Variants in DPP10 observed in about 807,000 individuals in gnomAD.
DPP10 encodes the protein dipeptidyl peptidase like 10.
In DPP10, 33 loss-of-function variants were observed where a neutral mutation model predicts 120.9. That is an observed-to-expected ratio of 0.27 (90% CI 0.21 to 0.37). The LOEUF is 0.37. DPP10 is among the 10% of genes least tolerant of loss of function. The pLI is 1.00. For missense variants in DPP10, 816 were observed against 942.8 expected (o/e 0.87, Z 1.76); for synonymous variants, 337 against 326.1 (o/e 1.03, Z -0.36).
At chr2:114,945,122 G>A (rs1697248755) in intron 1 of DPP10, among the ~76,000 whole-genome samples, 1 of 152,116 alleles carries the variant, frequency 6.6e-6, no homozygotes, top group Non-Finnish European at 1.5e-5. Context: ...CACGTAAAAT[G>A]CAAAACCAAA....
chr2:114,510,388 G>T (rs1356332067), intron 1 of DPP10, among the ~76,000 whole-genome samples: 1 of 152,184 alleles, frequency 6.6e-6, no homozygotes, highest in African/African-American at 2.4e-5. Flanking sequence ...GGTGGATCAC[G>T]AGGTAAGGAG....
At chr2:114,503,579 G>A (rs1054101300) in intron 1 of DPP10, among the ~76,000 whole-genome samples, 5 of 152,116 alleles carry the variant, frequency 3.3e-5, no homozygotes, top group South Asian at 2.1e-4. Context: ...GAGAAAAGAG[G>A]TTATCCTGAA....
Position 115,194,344 on chromosome 2 carries a change from C to A in DPP10, c.61-114895C>A, listed in dbSNP as rs567957340. Among the ~76,000 whole-genome samples, 9 of 152,246 alleles carry A rather than the reference C, an allele frequency of 5.9e-5. No individual in the cohort carries two copies. The East Asian group carries it at 1.8e-3, about 30-fold the overall frequency. On this transcript the variant is annotated intron_variant, in intron 1 of 25. Transcript: ENST00000410059. Reference sequence around the variant, plus strand: ...GGTTCAAGCAATTCTCCTGCCTCAGCCTCCTGAGTAGCTGGGATAACAGGC... The same window carrying A: ...GGTTCAAGCAATTCTCCTGCCTCAGACTCCTGAGTAGCTGGGATAACAGGC...
At chr2:114,535,860 C>A (rs1464191643) in intron 1 of DPP10, among the ~76,000 whole-genome samples, 1 of 152,216 alleles carries the variant, frequency 6.6e-6, no homozygotes, top group Admixed American at 6.5e-5. Flanking sequence ...TTTTCAACCT[C>A]ATTTTTCACC....
chr2:115,301,541 A>T (rs1321910599), intron 1 of DPP10, among the ~76,000 whole-genome samples: 1 of 150,038 alleles, frequency 6.7e-6, no homozygotes, highest in Non-Finnish European at 1.5e-5. Flanking sequence ...ATGCCGTGAA[A>T]TGTCCTACCT....
At chr2:114,634,731 G>T (rs1166838150) in intron 1 of DPP10, among the ~76,000 whole-genome samples, 3 of 151,904 alleles carry the variant, frequency 2.0e-5, no homozygotes, top group Non-Finnish European at 4.4e-5. Flanking sequence ...GTTGTAGATT[G>T]TCAGGCACAT....
chr2:114,998,153 G>C (rs1285635087), intron 1 of DPP10, among the ~76,000 whole-genome samples: 3 of 151,968 alleles, frequency 2.0e-5, no homozygotes, highest in Admixed American at 2.0e-4. Context: ...ATGTGACATG[G>C]TATTTTCAGC....
intron 1 of DPP10, among the ~76,000 whole-genome samples, chr2:114,481,780 A>G (rs1005357746): frequency 5.3e-5 from 8 of 152,006 alleles, no homozygotes; most frequent in African/African-American, 1.2e-4. Flanking sequence ...AGGAGGTCCA[A>G]TTGATTCTCA....
rs79467330 is a variant in DPP10 at position 115,746,532 on chromosome 2, G to A, written c.950+349G>A. On this transcript the variant is annotated intron_variant, in intron 10 of 25. Transcript: ENST00000410059. Reference sequence around the variant, plus strand: ...TTTTTTTTGAAGGTGTTCATTAAAAGTGTATAATCTCTCTGGAATTTGTGA... The same window carrying A: ...TTTTTTTTGAAGGTGTTCATTAAAAATGTATAATCTCTCTGGAATTTGTGA... Among the ~76,000 whole-genome samples, 173 of 152,248 alleles carry A rather than the reference G, an allele frequency of 1.1e-3. 1 individual carries two copies. In the East Asian group the frequency reaches 0.018, roughly 16 times the overall value.
intron 5 of DPP10, among the ~76,000 whole-genome samples, chr2:115,628,647 T>C (rs2085570794): frequency 6.6e-6 from 1 of 152,166 alleles, no homozygotes; most frequent in Admixed American, 6.6e-5. Flanking sequence ...TTTCACAGTT[T>C]TGGGCTATAC....
intron 1 of DPP10, among the ~76,000 whole-genome samples, chr2:114,587,562 C>A (rs1691108798): frequency 2.6e-5 from 4 of 151,924 alleles, no homozygotes; most frequent in Admixed American, 2.6e-4. Context: ...AAATGAGAAA[C>A]AAATCCCTGG....
At chr2:115,355,012 C>T (rs561780087) in intron 3 of DPP10, among the ~76,000 whole-genome samples, 22 of 152,248 alleles carry the variant, frequency 1.4e-4, no homozygotes, top group African/African-American at 1.9e-4. Context: ...AATAAACATA[C>T]GCTTGCATGT....
intron 1 of DPP10, among the ~76,000 whole-genome samples, chr2:114,751,858 C>T (rs79925968): frequency 0.02 from 3,040 of 152,272 alleles, 123 homozygotes; most frequent in African/African-American, 0.069. Flanking sequence ...TGACTCTACA[C>T]CAGTACTTTT....
chr2:115,470,272 AG>A (rs1417558589), intron 3 of DPP10, among the ~76,000 whole-genome samples: 1 of 152,210 alleles, frequency 6.6e-6, no homozygotes, highest in African/African-American at 2.4e-5. Flanking sequence ...AATGTGTTTC[AG>A]GGCAGACATG....
intron 1 of DPP10, among the ~76,000 whole-genome samples, chr2:115,167,961 C>A (rs1035267891): frequency 1.3e-5 from 2 of 152,052 alleles, no homozygotes; most frequent in African/African-American, 2.4e-5. Context: ...CAATGTACTT[C>A]CCAAGGTAAT....
At chr2:114,613,719 A>T (rs1399345241) in intron 1 of DPP10, among the ~76,000 whole-genome samples, 1 of 152,194 alleles carries the variant, frequency 6.6e-6, no homozygotes, top group Non-Finnish European at 1.5e-5. Flanking sequence ...GAACCAACCC[A>T]AATGCCCATC....
chr2:114,999,098 C>A (rs961190529), intron 1 of DPP10, among the ~76,000 whole-genome samples: 5 of 152,118 alleles, frequency 3.3e-5, no homozygotes, highest in Non-Finnish European at 7.3e-5. Flanking sequence ...AGAATTTAAC[C>A]CCCATGAGAG....
chr2:115,742,098 GT>G (rs1559098744), intron 9 of DPP10, among the ~76,000 whole-genome samples: 2 of 151,920 alleles, frequency 1.3e-5, no homozygotes, highest in Non-Finnish European at 2.9e-5. Context: ...CCACTTGTTT[GT>G]TTTTTTCTTA....
At chr2:115,800,529 G>A (rs1264500743) in intron 19 of DPP10, among the ~76,000 whole-genome samples, 3 of 152,088 alleles carry the variant, frequency 2.0e-5, no homozygotes, top group Admixed American at 6.5e-5. Context: ...GTCCTGAATG[G>A]TGTTGCCTAG....
Sources: allele counts gnomAD v4.1 joint callset (sites outside exome capture counted in the v4.1 genomes callset), GRCh38; gene constraint gnomAD v4.1.1; transcripts MANE v1.5; gene names NCBI Gene and HGNC (gene_info 2026-07-23, HGNC 2026-07-21).